Variants in WDR7 observed in about 807,000 individuals in gnomAD.
WDR7 encodes the protein WD repeat-containing protein 7.
Under a neutral mutation model 169.4 loss-of-function variants are expected in WDR7, and 46 were observed. The ratio of observed to expected loss-of-function variants is 0.27; its 90% CI spans 0.21 to 0.35. The LOEUF (loss-of-function observed/expected upper bound fraction) is 0.35, where lower values mean the gene tolerates loss of function less well. Ranked by LOEUF, WDR7 falls within the 10% of genes least tolerant of loss-of-function variation. The probability of loss-of-function intolerance (pLI) is 1.00; values close to 1 mark genes in which losing one functional copy is unlikely to be tolerated. For synonymous variants in WDR7, 612 were observed against 666.8 expected (o/e 0.92, Z 1.27); for missense variants, 1,534 against 1,859.3 (o/e 0.83, Z 3.22).
At chr18:56,655,753 T>C (rs1214703916) in intron 1 of WDR7, among the ~76,000 whole-genome samples, 1 of 152,224 alleles carries the variant, frequency 6.6e-6, no homozygotes, top group African/African-American at 2.4e-5. Flanking sequence ...AATCAGTTTC[T>C]ATCTCTATAA....
chr18:56,982,641 T>A (rs1223097279), intron 26 of WDR7, among the ~76,000 whole-genome samples: 1 of 152,200 alleles, frequency 6.6e-6, no homozygotes, highest in African/African-American at 2.4e-5. Flanking sequence ...TGATTTTAAA[T>A]CACCTGGATT....
At chr18:56,895,877 A>G (rs940223376) in intron 21 of WDR7, among the ~76,000 whole-genome samples, 2 of 151,872 alleles carry the variant, frequency 1.3e-5, no homozygotes, top group Non-Finnish European at 3.0e-5. Flanking sequence ...CACAATCACA[A>G]TCAAAATCTC....
intron 16 of WDR7, among the ~76,000 whole-genome samples, chr18:56,763,383 C>G (rs772847478): frequency 2.6e-5 from 4 of 151,812 alleles, no homozygotes; most frequent in Non-Finnish European, 5.9e-5. Flanking sequence ...TGATTTTTGT[C>G]TTTTATTTTC....
At chr18:56,763,681 T>A (rs1408624779) in intron 16 of WDR7, among the ~76,000 whole-genome samples, 1 of 152,166 alleles carries the variant, frequency 6.6e-6, no homozygotes, top group African/African-American at 2.4e-5. Flanking sequence ...TTCTTCCATA[T>A]TTGGTTGATC....
chr18:56,924,247 T>C (rs2046772187), intron 22 of WDR7, 139 bp downstream of exon 22: 1 of 993,686 alleles, frequency 1.0e-6, no homozygotes, highest in East Asian at 2.7e-5. Flanking sequence ...TATGTGAAGT[T>C]TTGAATATGG....
intron 20 of WDR7, among the ~76,000 whole-genome samples, chr18:56,831,468 C>G (rs1284078478): frequency 6.6e-6 from 1 of 152,128 alleles, no homozygotes; most frequent in Non-Finnish European, 1.5e-5. Context: ...GTCTAGGTTC[C>G]AGCTGGCAGG....
intron 16 of WDR7, among the ~76,000 whole-genome samples, chr18:56,774,865 T>A (rs755089783): frequency 2.0e-5 from 3 of 152,098 alleles, no homozygotes; most frequent in Non-Finnish European, 4.4e-5. Flanking sequence ...TTAGTGCCCA[T>A]AAAATTTATT....
rs145297454 is a variant in WDR7 at position 56,779,415 on chromosome 18, A to G, written c.2948-16A>G. 1.1e-5 allele frequency: 18 copies of G among 1,584,886 alleles called. No homozygotes were observed. The highest frequency in any genetic ancestry group is 9.1e-5 in the East Asian group (4 of 44,162). Reference sequence around the variant, plus strand: ...AAAATGGTTAAAGAATTTGTAATATATTACATTTTTGACAGGTTGGAGTCA... The same window carrying G: ...AAAATGGTTAAAGAATTTGTAATATGTTACATTTTTGACAGGTTGGAGTCA... On this transcript the variant is annotated splice_polypyrimidine_tract_variant and intron_variant, in intron 17 of 27. Coordinates refer to ENST00000254442, the MANE Select transcript of WDR7 (RefSeq NM_015285.3).
At position 57,024,389 on chromosome 18, in the gene WDR7, G is replaced by A. The variant is rs535748172; in HGVS notation, c.4270-2615G>A. On this transcript the variant is annotated intron_variant, in intron 27 of 27. Coordinates refer to ENST00000254442, the MANE Select transcript of WDR7 (RefSeq NM_015285.3). ...TGAGTTTATTGGAAAAATTAATACCGTTACTATAATACTTCACATTCATGC... is the reference window on the plus strand; with the variant it reads ...TGAGTTTATTGGAAAAATTAATACCATTACTATAATACTTCACATTCATGC... Among the ~76,000 whole-genome samples the A allele has an allele frequency of 5.3e-5, 8 of 152,178 alleles. No individual in the cohort carries two copies. The South Asian group carries it at 6.2e-4, about 12-fold the overall frequency.
At chr18:56,739,768 A>G (rs567542860) in intron 14 of WDR7, among the ~76,000 whole-genome samples, 376 of 150,924 alleles carry the variant, frequency 2.5e-3, no homozygotes, top group African/African-American at 8.6e-3. Context: ...TGGGGGGGGG[A>G]ATAAGCTATC....
At chr18:56,742,885 T>G (rs1333931304) in intron 14 of WDR7, among the ~76,000 whole-genome samples, 2 of 152,106 alleles carry the variant, frequency 1.3e-5, no homozygotes, top group African/African-American at 2.4e-5. Context: ...GCGAGTCCAT[T>G]AAAGCACCAT....
chr18:56,855,110 C>T (rs187414102), intron 20 of WDR7, among the ~76,000 whole-genome samples: 7 of 152,190 alleles, frequency 4.6e-5, no homozygotes, highest in Non-Finnish European at 7.4e-5. Context: ...TTTAAAATTT[C>T]GATAATTATT....
At chr18:56,859,256 C>A (rs533251812) in intron 20 of WDR7, among the ~76,000 whole-genome samples, 10 of 152,194 alleles carry the variant, frequency 6.6e-5, no homozygotes, top group Middle Eastern at 3.4e-3. Context: ...TCTTTACTTT[C>A]CTATTAAGCT....
Position 56,691,369 on chromosome 18 carries a change from G to A in WDR7, c.863+8G>A. The A allele has an allele frequency of 6.3e-7, 1 of 1,579,864 alleles. No homozygotes were observed. The highest frequency in any genetic ancestry group is 1.2e-5 in the South Asian group (1 of 84,856). ...TTACAAACTACCTGCCAGGTATGCAGCAAGTAATAAATTAGGACAGTCATC... is the reference window on the plus strand; with the variant it reads ...TTACAAACTACCTGCCAGGTATGCAACAAGTAATAAATTAGGACAGTCATC... On this transcript the variant is annotated splice_region_variant and intron_variant, in intron 8 of 27. Coordinates refer to ENST00000254442, the MANE Select transcript of WDR7 (RefSeq NM_015285.3).
chr18:56,739,412 C>G (rs958414324), intron 14 of WDR7, among the ~76,000 whole-genome samples: 6 of 152,088 alleles, frequency 3.9e-5, no homozygotes, highest in Admixed American at 1.3e-4. Flanking sequence ...ATTTGCCCCC[C>G]CTTCTTTTTA....
chr18:56,729,382 A>G (rs1279567562), intron 13 of WDR7, among the ~76,000 whole-genome samples: 4 of 152,172 alleles, frequency 2.6e-5, no homozygotes, highest in Admixed American at 6.5e-5. Flanking sequence ...GAAGTTCTAT[A>G]CTAATTCAAC....
intron 13 of WDR7, among the ~76,000 whole-genome samples, chr18:56,723,016 A>G (rs1410502452): frequency 2.6e-5 from 4 of 152,194 alleles, no homozygotes; most frequent in Non-Finnish European, 5.9e-5. Flanking sequence ...ATATTAGTTC[A>G]TAAAGCCTTC....
At chr18:56,734,600 C>T (rs1196434415) in intron 14 of WDR7, among the ~76,000 whole-genome samples, 1 of 151,832 alleles carries the variant, frequency 6.6e-6, no homozygotes, top group Non-Finnish European at 1.5e-5. Context: ...CTTCCCTACC[C>T]TTGTTTTTTA....
At chr18:56,808,042 G>A (rs2044806059) in intron 19 of WDR7, among the ~76,000 whole-genome samples, 1 of 152,202 alleles carries the variant, frequency 6.6e-6, no homozygotes, top group South Asian at 2.1e-4. Context: ...ATGTGCTGAT[G>A]TGGATGTAGG....
Sources: allele counts gnomAD v4.1 joint callset (sites outside exome capture counted in the v4.1 genomes callset), GRCh38; gene constraint gnomAD v4.1.1; transcripts MANE v1.5; gene names NCBI Gene and HGNC (gene_info 2026-07-23, HGNC 2026-07-21).